Variants in POT1 observed in about 807,000 individuals in gnomAD.
The protein encoded by POT1 is protection of telomeres 1, also known as protection of telomeres protein 1.
In POT1, 47 loss-of-function variants were observed where a neutral mutation model predicts 78.5. The ratio of observed to expected loss-of-function variants is 0.60; its 90% CI spans 0.47 to 0.76. The LOEUF is 0.76. Among genes scored for constraint, POT1 ranks in the 30% least tolerant of loss-of-function variants. The pLI is 0.00. For synonymous variants in POT1, 259 were observed against 260.7 expected, an observed-to-expected ratio of 0.99 and a Z score of 0.06; for missense variants, 646 against 749.9, an observed-to-expected ratio of 0.86 and a Z score of 1.62.
chr7:124,842,596 T>C (rs768441664), intron 13 of POT1, among the ~76,000 whole-genome samples: 1 of 152,028 alleles, frequency 6.6e-6, no homozygotes, highest in African/African-American at 2.4e-5. Context: ...CTAAGCTGAA[T>C]TTTAGATCTG....
chr7:124,856,867 C>T (rs1330629304), intron 9 of POT1, among the ~76,000 whole-genome samples: 2 of 152,106 alleles, frequency 1.3e-5, no homozygotes, highest in African/African-American at 2.4e-5. Context: ...TAGATAATAT[C>T]TTTCAGGGAA....
At chr7:124,878,712 T>C (rs6466955) in intron 6 of POT1, among the ~76,000 whole-genome samples, 94,980 of 151,892 alleles carry the variant, frequency 0.63, 30,111 homozygotes, top group African/African-American at 0.73. Context: ...TTATTAATAA[T>C]GATAGCAACA....
chr7:124,927,655 G>C (rs911082814), intron 2 of POT1, among the ~76,000 whole-genome samples: 1 of 151,804 alleles, frequency 6.6e-6, no homozygotes, highest in Non-Finnish European at 1.5e-5. Context: ...CTATGCTTTG[G>C]CTCAAACCCA....
intron 7 of POT1, 60 bp downstream of exon 7, chr7:124,870,845 TAGTTTC>T (rs1479157935): frequency 7.7e-7 from 1 of 1,303,838 alleles, no homozygotes; most frequent in Non-Finnish European, 1.0e-6. Flanking sequence ...TAGTGCTAAC[TAGTTTC>T]AGTGAACAAT....
intron 6 of POT1, among the ~76,000 whole-genome samples, chr7:124,871,961 C>T (rs764708074): frequency 9.9e-5 from 15 of 152,078 alleles, no homozygotes; most frequent in Non-Finnish European, 1.6e-4. Flanking sequence ...TACAATAGAA[C>T]CCCTGAACTT....
chr7:124,881,718 T>C (rs1796122674), intron 6 of POT1, among the ~76,000 whole-genome samples: 1 of 151,996 alleles, frequency 6.6e-6, no homozygotes, highest in African/African-American at 2.4e-5. Context: ...ATTTTCCCCA[T>C]GCCTTATTTT....
intron 4 of POT1, 27 bp from the exon 5 acceptor site, chr7:124,897,239 T>C: frequency 2.8e-6 from 3 of 1,088,492 alleles, no homozygotes; most frequent in Non-Finnish European, 4.0e-6. Context: ...AAGAACTTAT[T>C]TGTATACAGA....
At chr7:124,921,110 A>G (rs1221022786) in intron 2 of POT1, among the ~76,000 whole-genome samples, 1 of 152,084 alleles carries the variant, frequency 6.6e-6, no homozygotes, top group Non-Finnish European at 1.5e-5. Flanking sequence ...GCAAACAAAT[A>G]AGAAAATGTT....
intron 5 of POT1, 47 bp from the exon 6 acceptor site, chr7:124,892,427 T>C (rs967066472): frequency 3.2e-6 from 3 of 933,026 alleles, no homozygotes; most frequent in Non-Finnish European, 4.6e-6. Context: ...AGTATTTACA[T>C]TGTAGAATCA....
chr7:124,872,474 C>G (rs1237685019), intron 6 of POT1, among the ~76,000 whole-genome samples: 2 of 152,182 alleles, frequency 1.3e-5, no homozygotes, highest in African/African-American at 4.8e-5. Flanking sequence ...ACTGTCCACG[C>G]TCCCTGCCTG....
At chr7:124,888,402 G>A (rs1285062170) in intron 6 of POT1, among the ~76,000 whole-genome samples, 1 of 152,046 alleles carries the variant, frequency 6.6e-6, no homozygotes, top group Non-Finnish European at 1.5e-5. Flanking sequence ...AAAGAGAGAA[G>A]CCTCCAGGTT....
chr7:124,912,219 A>G (rs1045576158), intron 3 of POT1, among the ~76,000 whole-genome samples: 9 of 152,102 alleles, frequency 5.9e-5, no homozygotes, highest in African/African-American at 1.9e-4. Flanking sequence ...AGAAAAGCAG[A>G]TATCATTACC....
chr7:124,888,744 TTCAC>T (rs1460887408), intron 6 of POT1, among the ~76,000 whole-genome samples: 3 of 152,062 alleles, frequency 2.0e-5, no homozygotes, highest in Admixed American at 2.0e-4. Flanking sequence ...CTTTCCCATT[TTCAC>T]TGTATCTGTT....
chr7:124,835,850 T>C (rs1420042113), intron 14 of POT1, among the ~76,000 whole-genome samples: 1 of 152,212 alleles, frequency 6.6e-6, no homozygotes, highest in African/African-American at 2.4e-5. Flanking sequence ...TATGAGTAGT[T>C]CATGTAATAT....
chr7:124,846,236 TACAC>T (rs1056758431), intron 12 of POT1, among the ~76,000 whole-genome samples: 4 of 151,976 alleles, frequency 2.6e-5, no homozygotes, highest in African/African-American at 9.7e-5. Context: ...GTATCATACA[TACAC>T]ACAGCTACAT....
chr7:124,911,495 T>C (rs1331192449), intron 3 of POT1, among the ~76,000 whole-genome samples: 1 of 152,152 alleles, frequency 6.6e-6, no homozygotes, highest in African/African-American at 2.4e-5. Flanking sequence ...TTATCAGCAA[T>C]CAATCTCAGA....
At position 124,859,426 on chromosome 7, in the gene POT1, A is replaced by C. The variant is rs28638102; in HGVS notation, c.547-314T>G. On this transcript the variant is annotated intron_variant, in intron 8 of 18. Transcript: ENST00000357628. ...TTGAAAAACACTCATATGTATTAAA[A>C]TATTTTTGCACATAAATACAACTAG... Among the ~76,000 whole-genome samples, 32,918 of 152,072 alleles carry C rather than the reference A, an allele frequency of 0.22. 3,988 individuals are homozygous for C. The highest frequency in any genetic ancestry group is 0.3 in the East Asian group (1,562 of 5,174).
At chr7:124,886,605 T>C (rs1796248531) in intron 6 of POT1, among the ~76,000 whole-genome samples, 1 of 152,174 alleles carries the variant, frequency 6.6e-6, no homozygotes, top group Non-Finnish European at 1.5e-5. Context: ...ACATTCATTT[T>C]AATTTAGTAT....
chr7:124,928,437 G>C (rs755026088), intron 2 of POT1, among the ~76,000 whole-genome samples: 7 of 152,142 alleles, frequency 4.6e-5, no homozygotes, highest in Non-Finnish European at 7.3e-5. Context: ...GTAAGTTCCA[G>C]CTCAACTTTC....
Sources: allele counts gnomAD v4.1 joint callset (sites outside exome capture counted in the v4.1 genomes callset), GRCh38; gene constraint gnomAD v4.1.1; transcripts MANE v1.5; gene names NCBI Gene and HGNC (gene_info 2026-07-23, HGNC 2026-07-21).